ZNF451: variants seen among roughly 807,000 people sequenced by gnomAD.
ZNF451 encodes the protein E3 SUMO-protein ligase ZNF451.
Under a neutral mutation model 107.1 loss-of-function variants are expected in ZNF451, and 80 were observed. That is an observed-to-expected ratio of 0.75 (90% CI 0.62 to 0.90). The LOEUF is 0.90. ZNF451 is among the 40% of genes least tolerant of loss of function. ZNF451 has a pLI of 0.00. For synonymous variants in ZNF451, 362 were observed against 406.5 expected (o/e 0.89, Z 1.32); for missense variants, 1,107 against 1,236.2 (o/e 0.90, Z 1.57).
Position 57,141,364 on chromosome 6 carries a change from T to TCCAAA in ZNF451, c.766_770dup (p.Cys258GlnfsTer49). ...CTCAGATTATTCAGTGTTTTGCATG[T>TCCAAA]CCAAATTGCTTCCTTCTTTTTAGCA... is the stretch of plus-strand genomic sequence containing the variant. On this transcript the variant is annotated frameshift_variant, in exon 8 of 15. Coordinates refer to ENST00000370706, the MANE Select transcript of ZNF451 (RefSeq NM_001031623.3). LOFTEE classifies it high-confidence loss of function. The TCCAAA allele has an allele frequency of 6.2e-7, 1 of 1,613,378 alleles. No homozygotes were observed. The highest frequency in any genetic ancestry group is 8.5e-7 in the Non-Finnish European group (1 of 1,179,614).
chr6:57,134,257 C>T (rs1831324234), intron 6 of ZNF451: 1 of 153,360 alleles, frequency 6.5e-6, no homozygotes, highest in Non-Finnish European at 1.5e-5. Flanking sequence ...CATACTATAC[C>T]TTAGCTAAAG....
intron 11 of ZNF451, chr6:57,151,362 A>G (rs1465954047): frequency 7.6e-6 from 1 of 132,138 alleles, no homozygotes; most frequent in African/African-American, 3.0e-5. Context: ...ACAGAGTGAG[A>G]CTCTGTCTTA....
At chr6:57,140,453 A>G (rs186069523) in intron 7 of ZNF451, among the ~76,000 whole-genome samples, 7 of 152,210 alleles carry the variant, frequency 4.6e-5, no homozygotes, top group African/African-American at 1.4e-4. Flanking sequence ...TGTAATATAT[A>G]TTACTGCCAG....
At chr6:57,096,445 C>T (rs574335495) in intron 2 of ZNF451, among the ~76,000 whole-genome samples, 1 of 151,774 alleles carries the variant, frequency 6.6e-6, no homozygotes, top group Non-Finnish European at 1.5e-5. Context: ...CTTGGTCTCC[C>T]AAAGTGCTGG....
chr6:57,121,600 A>G (rs1428712190), intron 3 of ZNF451, among the ~76,000 whole-genome samples: 1 of 152,192 alleles, frequency 6.6e-6, no homozygotes, highest in South Asian at 2.1e-4. Flanking sequence ...GTTAAGCTGA[A>G]AACCAAATGT....
chr6:57,106,392 C>T (rs1303886028), intron 3 of ZNF451: 3 of 780,528 alleles, frequency 3.8e-6, no homozygotes, highest in Non-Finnish European at 3.1e-6. Flanking sequence ...TGACTGCAAC[C>T]GCCACCTCCC....
Position 57,112,806 on chromosome 6 carries a change from T to C in ZNF451, c.187-11928T>C, listed in dbSNP as rs138195406. Among the ~76,000 whole-genome samples, 244 of 152,332 alleles carry C rather than the reference T, an allele frequency of 1.6e-3. 1 individual carries two copies. Among genetic ancestry groups the C allele is most frequent in the African/African-American group, 5.6e-3 (234 of 41,586 alleles). On this transcript the variant is annotated intron_variant, in intron 3 of 14. Transcript: ENST00000370706. ...TAATATATTCATATTTCTATTAAAG[T>C]AATTTTGTAGAAAATATAAAATGGA...
intron 8 of ZNF451, among the ~76,000 whole-genome samples, 193 bp downstream of exon 8, chr6:57,141,648 A>G (rs879905248): frequency 6.6e-6 from 1 of 152,210 alleles, no homozygotes; most frequent in Non-Finnish European, 1.5e-5. Context: ...AAGGCTTACT[A>G]ACTTTGAAGA....
chr6:57,134,748 G>T lies in ZNF451; in HGVS notation c.580G>T (p.Asp194Tyr), dbSNP rs761669957. ...CTTACCTCTTTTGCTGAGTAGGTTC[G>T]ATCACTCTCCATGTGATCCAACAAT... ...HLLLGHLKRF[D>Y]HSPCDPTITL... is the part of the protein sequence containing the mutation. The change falls in exon 7 of 15, where the codon GAT becomes TAT. Residue 194 changes from aspartate to tyrosine, a missense_variant. Physicochemically the swap from Asp to Tyr is radical, Grantham distance 160. Transcript: ENST00000370706. 3.7e-6 allele frequency: 6 copies of T among 1,611,926 alleles called. No individual in the cohort carries two copies.
In ZNF451 at chr6:57,133,162, A is replaced by T; in HGVS notation, c.545A>T (p.Asn182Ile). ...PIMHCNKEFD[N>I]GHLLLGHLKR... is the part of the protein sequence containing the mutation. ...ATGCACTGTAACAAGGAGTTTGACA[A>T]TGGGCACCTTCTCTTAGGACATTTG... The change falls in exon 6 of 15, where the codon AAT becomes ATT. Residue 182 changes from asparagine (N) to isoleucine (I), a missense_variant. Asn to Ile is a moderately radical substitution (Grantham distance 149). Around this residue, in one of 5 missense-constraint regions of ZNF451, gnomAD observed 339 missense variants for 372.8 expected, o/e 0.91. Transcript: ENST00000370706. 3 of 1,614,112 alleles carry T rather than the reference A, an allele frequency of 1.9e-6. No homozygotes were observed. Among genetic ancestry groups the T allele is most frequent in the Non-Finnish European group, 2.5e-6 (3 of 1,179,978 alleles).
chr6:57,100,518 A>C, intron 3 of ZNF451: 7 of 1,378,792 alleles, frequency 5.1e-6, no homozygotes, highest in Non-Finnish European at 6.7e-6. Flanking sequence ...TACTTACTGG[A>C]CATGAATCTC....
chr6:57,130,234 CT>C (rs765445731), intron 5 of ZNF451, among the ~76,000 whole-genome samples: 1 of 152,116 alleles, frequency 6.6e-6, no homozygotes, highest in Non-Finnish European at 1.5e-5. Flanking sequence ...CCAAATCTGA[CT>C]GTTATTAAAC....
chr6:57,155,089 G>A (rs1294715822), intron 13 of ZNF451, among the ~76,000 whole-genome samples: 1 of 152,120 alleles, frequency 6.6e-6, no homozygotes, highest in African/African-American at 2.4e-5. Flanking sequence ...GTGTCTTTAT[G>A]TCATGCCTTA....
rs759976364 is a variant in ZNF451 at position 57,141,293 on chromosome 6, A to C, written c.703-9A>C. ...GTTTTCCATAATACAGCTTTGTCTT[A>C]TATTTTAGGAAGCCACAGATGATGG... is the stretch of plus-strand genomic sequence containing the variant. On this transcript the variant is annotated splice_polypyrimidine_tract_variant and intron_variant, in intron 7 of 14. Coordinates refer to ENST00000370706, the MANE Select transcript of ZNF451 (RefSeq NM_001031623.3). 1.0e-5 allele frequency: 16 copies of C among 1,594,070 alleles called. No individual in the cohort carries two copies. Among genetic ancestry groups the C allele is most frequent in the Non-Finnish European group, 1.4e-5 (16 of 1,168,942 alleles).
chr6:57,105,197 C>T (rs1403972642), intron 3 of ZNF451: 1 of 985,278 alleles, frequency 1.0e-6, no homozygotes, highest in East Asian at 1.1e-4. Flanking sequence ...TTAAATACCT[C>T]TAGGTTTTCT....
chr6:57,166,760 G>A (rs1455659871), intron 14 of ZNF451, among the ~76,000 whole-genome samples: 2 of 152,176 alleles, frequency 1.3e-5, no homozygotes, highest in African/African-American at 4.8e-5. Flanking sequence ...GCAACATAGT[G>A]TATTTGTTTA....
Position 57,090,214 on chromosome 6 carries a change from C to T in ZNF451, c.-40C>T. On this transcript the variant is annotated 5_prime_UTR_variant, in exon 1 of 15. Transcript: ENST00000370706. ...TTCGTGGCGACGGCGGCGGCAGGGA[C>T]AGCAGGAGCAGTGGTGCTGTCAGCG... 6.2e-7 allele frequency: 1 copy of T among 1,601,928 alleles called. No individual in the cohort carries two copies. Among genetic ancestry groups the T allele is most frequent in the South Asian group, 1.1e-5 (1 of 88,742 alleles).
At chr6:57,120,837 T>G (rs946463804) in intron 3 of ZNF451, among the ~76,000 whole-genome samples, 1 of 152,236 alleles carries the variant, frequency 6.6e-6, no homozygotes, top group Admixed American at 6.5e-5. Context: ...GTCTGTGGCT[T>G]GTGTTCTTAT....
intron 3 of ZNF451, among the ~76,000 whole-genome samples, chr6:57,112,773 C>A (rs1830169826): frequency 6.6e-6 from 1 of 152,054 alleles, no homozygotes; most frequent in South Asian, 2.1e-4. Context: ...CTAGTGACTT[C>A]ATGTTCATAA....
Sources: gnomAD v4.1 joint callset for allele counts (sites outside exome capture counted in the v4.1 genomes callset) on GRCh38, gnomAD v4.1.1 for gene constraint, gnomAD v4.1.1 regional missense constraint, MANE v1.5 for transcripts, NCBI Gene and HGNC (gene_info 2026-07-23, HGNC 2026-07-21) for gene names.